Variants in ZNF638 observed in about 807,000 individuals in gnomAD.
The protein encoded by ZNF638 is zinc finger protein 638.
Under a neutral mutation model 195.6 loss-of-function variants are expected in ZNF638, and 46 were observed. The observed-to-expected ratio is 0.24, with a 90% CI of 0.19 to 0.30. ZNF638 has a LOEUF of 0.30. Among genes scored for constraint, ZNF638 ranks in the 10% least tolerant of loss-of-function variants. ZNF638 has a pLI of 1.00. For missense variants in ZNF638, 2,440 were observed against 2,325.3 expected (o/e 1.05, Z -1.01); for synonymous variants, 845 against 772.0 (o/e 1.09, Z -1.57).
intron 20 of ZNF638, among the ~76,000 whole-genome samples, chr2:71,411,400 T>G (rs1038399991): frequency 6.6e-6 from 1 of 151,476 alleles, no homozygotes; most frequent in East Asian, 1.9e-4. Context: ...AGATGCTGTA[T>G]TCTCTTGAAT....
intron 20 of ZNF638, among the ~76,000 whole-genome samples, chr2:71,410,992 C>CCCTTT (rs1553484599): frequency 8.6e-4 from 21 of 24,512 alleles, no homozygotes; most frequent in Non-Finnish European, 1.3e-3. Context: ...CTCCCCCCCC[C>CCCTTT]TTTTTTTTTT....
Position 71,350,241 on chromosome 2 carries a change from T to C in ZNF638, c.1287T>C (p.Ser429=), listed in dbSNP as rs761549339. The change falls in exon 2 of 28, where the codon TCT becomes TCC. Residue 429 remains serine (S), a synonymous_variant. Transcript: ENST00000264447. ...ASPRIFPHLC[S]LCNVECSHLK... is the part of the protein sequence containing the mutation. The stretch of plus-strand genomic sequence containing the variant: ...CAAGAATATTTCCACATTTGTGTTC[T>C]CTGTGTAACGTAGAATGTAGTCATT... 6.2e-7 allele frequency: 1 copy of C among 1,602,656 alleles called. No individual in the cohort carries two copies. The highest frequency in any genetic ancestry group is 8.5e-7 in the Non-Finnish European group (1 of 1,179,918).
At position 71,355,768 on chromosome 2, in the gene ZNF638, A is replaced by T; in HGVS notation, c.1367A>T (p.Gln456Leu). Residue 456 changes from glutamine (Q) to leucine (L), a missense_variant, in exon 3 of 28, where the codon CAG (glutamine) becomes CTG (leucine). Physicochemically the swap from Gln to Leu is moderately radical, Grantham distance 113 (BLOSUM62 -2). Around this residue, in one of 5 missense-constraint regions of ZNF638, gnomAD observed 37 missense variants for 75.7 expected, o/e 0.49. Coordinates refer to ENST00000264447, the MANE Select transcript of ZNF638 (RefSeq NM_014497.5). ...TCTACTCATATTGAGAGCTGTCGACAGTTACGTCAACAGTAAGAATATATT... is the reference window on the plus strand; with the variant it reads ...TCTACTCATATTGAGAGCTGTCGACTGTTACGTCAACAGTAAGAATATATT... ...NTSTHIESCR[Q>L]LRQQYPDWNP... The T allele has an allele frequency of 1.9e-6, 3 of 1,589,976 alleles. No homozygotes were observed. The highest frequency in any genetic ancestry group is 2.6e-6 in the Non-Finnish European group (3 of 1,166,194).
rs377038993 is a variant in ZNF638 at position 71,434,068 on chromosome 2, A to AT, written c.5872-671dup. ...ACTTAGTTCATCATGTCACTTTTCC[A>AT]TTTAAAACCTTCTAGTAGCTTCATA... is the stretch of plus-strand genomic sequence containing the variant. On this transcript the variant is annotated intron_variant, in intron 27 of 27. Coordinates refer to ENST00000264447, the MANE Select transcript of ZNF638 (RefSeq NM_014497.5). Among the ~76,000 whole-genome samples the AT allele has an allele frequency of 5.6e-3, 852 of 152,238 alleles. 6 individuals are homozygous for AT. Among genetic ancestry groups the AT allele is most frequent in the African/African-American group, 0.019 (809 of 41,548 alleles).
intron 19 of ZNF638, 145 bp downstream of exon 19, chr2:71,406,407 T>C: frequency 1.4e-6 from 1 of 732,376 alleles, no homozygotes; most frequent in Non-Finnish European, 2.2e-6. Context: ...CAGAATATTT[T>C]ATTTTGGACT....
chr2:71,364,446 A>G (rs1382653942), intron 5 of ZNF638, among the ~76,000 whole-genome samples, 194 bp downstream of exon 5: 4 of 152,226 alleles, frequency 2.6e-5, no homozygotes, highest in Non-Finnish European at 5.9e-5. Context: ...GTGTCCATCA[A>G]CATCATATTT....
At chr2:71,369,278 G>A (rs1461953792) in intron 7 of ZNF638, among the ~76,000 whole-genome samples, 1 of 148,742 alleles carries the variant, frequency 6.7e-6, no homozygotes, top group Admixed American at 6.8e-5. Flanking sequence ...ACTAGAGATG[G>A]CGCCGCTGCA....
intron 10 of ZNF638, among the ~76,000 whole-genome samples, chr2:71,391,128 C>T (rs931884018): frequency 6.6e-6 from 1 of 152,168 alleles, no homozygotes; most frequent in Non-Finnish European, 1.5e-5. Context: ...AGAATTTGCC[C>T]ATTTTCATCA....
chr2:71,421,242 TA>T (rs2080425526), intron 21 of ZNF638, among the ~76,000 whole-genome samples: 1 of 152,200 alleles, frequency 6.6e-6, no homozygotes, highest in African/African-American at 2.4e-5. Context: ...ATACCTGCTG[TA>T]ACTGTGAATG....
chr2:71,369,081 T>G (rs1330973963), intron 7 of ZNF638, among the ~76,000 whole-genome samples: 1 of 152,156 alleles, frequency 6.6e-6, no homozygotes, highest in Non-Finnish European at 1.5e-5. Context: ...GTGCCTGTAA[T>G]CGCAGCACTT....
intron 10 of ZNF638, among the ~76,000 whole-genome samples, chr2:71,383,554 TG>T (rs1328789522): frequency 8.7e-6 from 1 of 114,494 alleles, no homozygotes; most frequent in African/African-American, 2.8e-5. Context: ...CTTTTCTTCC[TG>T]GGTGGTTTTT....
chr2:71,354,601 T>C (rs1409563897), intron 2 of ZNF638, among the ~76,000 whole-genome samples: 4 of 152,026 alleles, frequency 2.6e-5, no homozygotes, highest in Admixed American at 2.0e-4. Context: ...CCAGGCTTGG[T>C]GGCACATGCC....
Position 71,349,535 on chromosome 2 carries a change from G to C in ZNF638, c.581G>C (p.Arg194Thr). Residue 194 changes from arginine to threonine, a missense_variant, in exon 2 of 28, where the codon AGA becomes ACA. Arg to Thr is a moderately conservative substitution (Grantham distance 71). Coordinates refer to ENST00000264447, the MANE Select transcript of ZNF638 (RefSeq NM_014497.5). ...RRLPNLPSQSRNKETLGSEAV... is the reference protein window; with the variant it reads ...RRLPNLPSQSTNKETLGSEAV... The stretch of plus-strand genomic sequence containing the variant: ...TTACCTAATTTACCTTCTCAGAGCA[G>C]AAATAAAGAAACACTTGGTAGTGAA... 1 of 1,614,156 alleles carries C rather than the reference G, an allele frequency of 6.2e-7. No individual in the cohort carries two copies. The highest frequency in any genetic ancestry group is 8.5e-7 in the Non-Finnish European group (1 of 1,180,032).
intron 1 of ZNF638, among the ~76,000 whole-genome samples, chr2:71,334,292 T>C (rs2078625227): frequency 6.6e-6 from 1 of 152,242 alleles, no homozygotes; most frequent in Admixed American, 6.5e-5. Flanking sequence ...CTTAATAAAA[T>C]GCCTTATATA....
At chr2:71,421,621 T>C (rs1344880815) in intron 21 of ZNF638, among the ~76,000 whole-genome samples, 2 of 152,118 alleles carry the variant, frequency 1.3e-5, no homozygotes, top group African/African-American at 4.8e-5. Flanking sequence ...AACTGAAGGG[T>C]ACATGGCCAC....
chr2:71,348,446 T>TTC (rs1471914416), intron 1 of ZNF638: 1 of 1,016,044 alleles, frequency 9.8e-7, no homozygotes, highest in Non-Finnish European at 1.2e-6. Flanking sequence ...GTGAAATAAA[T>TTC]TCCCAGTATT....
rs961793949 is a variant in ZNF638 at position 71,410,990 on chromosome 2, C to G, written c.3261+2743C>G. On this transcript the variant is annotated intron_variant, in intron 20 of 27. Transcript: ENST00000264447. ...TTCTCCCCACCCACCACCTCCCCCC[C>G]CCTTTTTTTTTTTTTTTTTTTTGTC... Among the ~76,000 whole-genome samples, 154 of 74,462 alleles carry G rather than the reference C, an allele frequency of 2.1e-3. 3 individuals are homozygous for G. The highest frequency in any genetic ancestry group is 9.3e-3 in the South Asian group (15 of 1,610). 48.8% of individuals were successfully genotyped at this position (74,462 alleles called of 152,430 possible).
At chr2:71,393,672 T>G in intron 10 of ZNF638, 1 of 714,518 alleles carries the variant, frequency 1.4e-6, no homozygotes. Flanking sequence ...GTAGGATCCT[T>G]TTTATGCTCT....
chr2:71,410,984 C>G (rs1339596614), intron 20 of ZNF638, among the ~76,000 whole-genome samples: 2 of 11,620 alleles, frequency 1.7e-4, no homozygotes, highest in Admixed American at 1.1e-3. Flanking sequence ...CCCACCACCT[C>G]CCCCCCCCTT....
Sources: allele counts gnomAD v4.1 joint callset (sites outside exome capture counted in the v4.1 genomes callset), GRCh38; gene constraint gnomAD v4.1.1; regional missense constraint gnomAD v4.1.1; transcripts MANE v1.5; gene names NCBI Gene and HGNC (gene_info 2026-07-23, HGNC 2026-07-21).